FAM120B: variants seen among roughly 807,000 people sequenced by gnomAD.
The protein encoded by FAM120B is constitutive coactivator of peroxisome proliferator-activated receptor gamma.
In FAM120B, 83 loss-of-function variants were observed where a neutral mutation model predicts 96.3. The observed-to-expected ratio is 0.86, with a 90% confidence interval of 0.72 to 1.03. The LOEUF is 1.03. Among genes scored for constraint, FAM120B ranks in the 50% least tolerant of loss-of-function variants. The pLI is 0.00. For missense variants in FAM120B, 1,027 were observed against 1,121.2 expected, an observed-to-expected ratio of 0.92 and a Z score of 1.20; for synonymous variants, 407 against 402.7, an observed-to-expected ratio of 1.01 and a Z score of -0.13.
intron 8 of FAM120B, 34 bp downstream of exon 8, chr6:170,391,155 C>A: frequency 7.1e-7 from 1 of 1,406,224 alleles, no homozygotes; most frequent in Non-Finnish European, 1.0e-6. Flanking sequence ...AGAAGCCCCA[C>A]AAGCGTAGAC....
chr6:170,357,959 T>G (rs1284341147), intron 5 of FAM120B, among the ~76,000 whole-genome samples: 1 of 152,224 alleles, frequency 6.6e-6, no homozygotes, highest in Non-Finnish European at 1.5e-5. Flanking sequence ...TGCATGTGCC[T>G]GTTTGTGCAC....
At chr6:170,367,807 G>T (rs1161566824) in intron 6 of FAM120B, among the ~76,000 whole-genome samples, 6 of 152,138 alleles carry the variant, frequency 3.9e-5, no homozygotes, top group Non-Finnish European at 8.8e-5. Context: ...TCTTGGCATT[G>T]GTCCTTATAA....
intron 3 of FAM120B, 144 bp downstream of exon 3, chr6:170,323,403 A>T: frequency 1.5e-6 from 1 of 673,564 alleles, no homozygotes; most frequent in Non-Finnish European, 2.5e-6. Context: ...ATAATTGAGA[A>T]TACCACTGAC....
intron 6 of FAM120B, among the ~76,000 whole-genome samples, chr6:170,383,144 T>G (rs907834360): frequency 1.3e-5 from 2 of 151,394 alleles, no homozygotes; most frequent in African/African-American, 4.8e-5. Flanking sequence ...CTCACACTTT[T>G]GTAAAATTAA....
intron 5 of FAM120B, among the ~76,000 whole-genome samples, chr6:170,356,504 G>A (rs1335598390): frequency 1.3e-5 from 2 of 152,134 alleles, no homozygotes; most frequent in Non-Finnish European, 2.9e-5. Context: ...ACTGTTCAGT[G>A]CATGAAAATG....
Position 170,406,211 on chromosome 6 carries a change from G to C in FAM120B, c.*1460G>C, listed in dbSNP as rs993662899. ...TGGGCAGCCGTCTTCCAGAAACCTC[G>C]AACTTATGTCTGTCTCCACCTGAGA... On this transcript the variant is annotated 3_prime_UTR_variant, in exon 11 of 11. Coordinates refer to ENST00000476287, the MANE Select transcript of FAM120B (RefSeq NM_032448.3). 1.3e-5 allele frequency: 2 copies of C among 152,182 alleles called. No individual in the cohort carries two copies. Among genetic ancestry groups the C allele is most frequent in the Non-Finnish European group, 2.9e-5 (2 of 68,052 alleles). 9.4% of individuals were successfully genotyped at this position (152,182 alleles called of 1,614,324 possible).
At chr6:170,373,237 C>T (rs1401911092) in intron 6 of FAM120B, among the ~76,000 whole-genome samples, 9 of 152,182 alleles carry the variant, frequency 5.9e-5, no homozygotes, top group Non-Finnish European at 1.3e-4. Context: ...GTCTTTTATT[C>T]CAGAGCACCT....
intron 7 of FAM120B, among the ~76,000 whole-genome samples, chr6:170,389,579 A>G (rs6456206): frequency 0.88 from 133,057 of 151,794 alleles, 58,473 homozygotes; most frequent in East Asian, 0.94. Context: ...TTTTTTTTGA[A>G]ACAGGGTCTT....
intron 9 of FAM120B, among the ~76,000 whole-genome samples, chr6:170,400,353 G>T (rs192987661): frequency 1.3e-5 from 2 of 152,260 alleles, no homozygotes; most frequent in African/African-American, 2.4e-5. Context: ...GCCCCATCCT[G>T]CCCTGATCTC....
At chr6:170,341,760 G>A (rs1786849552) in intron 4 of FAM120B, among the ~76,000 whole-genome samples, 1 of 152,142 alleles carries the variant, frequency 6.6e-6, no homozygotes, top group South Asian at 2.1e-4. Context: ...TGCACTTCCT[G>A]GGTGAGGCAA....
chr6:170,292,909 G>A (rs576040884), upstream of FAM120B, among the ~76,000 whole-genome samples: 61 of 152,322 alleles, frequency 4.0e-4, no homozygotes, highest in African/African-American at 1.5e-3. This position sits in a 1 kb window ranked among gnomAD's most constrained non-coding sequence, Gnocchi z 6.6. Context: ...TGCCAGGTGA[G>A]AAAGGCAGGC....
intron 4 of FAM120B, among the ~76,000 whole-genome samples, chr6:170,337,699 C>T (rs1352185255): frequency 1.3e-5 from 2 of 152,084 alleles, no homozygotes; most frequent in Non-Finnish European, 2.9e-5. Flanking sequence ...ATTATTGTGT[C>T]AATTTCAGAA....
chr6:170,345,721 T>C (rs959841273), intron 4 of FAM120B, among the ~76,000 whole-genome samples: 21 of 152,222 alleles, frequency 1.4e-4, no homozygotes, highest in African/African-American at 4.6e-4. Context: ...GACAGATACC[T>C]GGAAATCTCT....
intron 3 of FAM120B, among the ~76,000 whole-genome samples, chr6:170,329,250 A>T (rs1785831532): frequency 6.6e-6 from 1 of 152,168 alleles, no homozygotes; most frequent in South Asian, 2.1e-4. Flanking sequence ...CTGTCTCCTC[A>T]TCTGAGGAAC....
At position 170,295,588 on chromosome 6, in the gene FAM120B, CG is replaced by C; in HGVS notation, c.48+140del. ...ACGGTGGGGGCACAAGAACAGCAGC[CG>C]GGGGCGAAGGAATCAGCCCCGCAGC... On this transcript the variant is annotated intron_variant, in intron 1 of 10. Coordinates refer to the FAM120B transcript ENST00000537664. This position sits in a 1 kb window ranked among gnomAD's most constrained non-coding sequence, Gnocchi z 7.8. The C allele has an allele frequency of 5.5e-6, 3 of 549,608 alleles. No homozygotes were observed. The highest frequency in any genetic ancestry group is 3.2e-6 in the Non-Finnish European group (1 of 315,282). The allele number at this position is 549,608 out of a possible 1,614,324, so 34.0% of individuals were successfully genotyped here.
chr6:170,314,291 C>T (rs1210257399), intron 1 of FAM120B, among the ~76,000 whole-genome samples: 1 of 152,186 alleles, frequency 6.6e-6, no homozygotes, highest in Non-Finnish European at 1.5e-5. Flanking sequence ...GCTTCTTTGG[C>T]CATAATTGAA....
At chr6:170,347,081 G>A (rs1219035701) in intron 4 of FAM120B, among the ~76,000 whole-genome samples, 2 of 152,122 alleles carry the variant, frequency 1.3e-5, no homozygotes, top group African/African-American at 2.4e-5. Context: ...TTCTGATGGC[G>A]GGAAATATAC....
At chr6:170,330,348 T>C in intron 3 of FAM120B, 101 bp from the exon 4 acceptor site, 1 of 767,036 alleles carries the variant, frequency 1.3e-6, no homozygotes, top group Admixed American at 2.5e-5. Context: ...ATTTGAGAGC[T>C]CACCTTTGAA....
At chr6:170,373,659 A>G (rs1023863583) in intron 6 of FAM120B, among the ~76,000 whole-genome samples, 3 of 152,246 alleles carry the variant, frequency 2.0e-5, no homozygotes. Flanking sequence ...ACCTCCTAAC[A>G]GAAATTTGCC....
Sources: gnomAD v4.1 joint callset for allele counts (sites outside exome capture counted in the v4.1 genomes callset) on GRCh38, gnomAD v4.1.1 for gene constraint, Gnocchi (gnomAD v3.1) non-coding constraint, MANE v1.5 for transcripts, NCBI Gene and HGNC (gene_info 2026-07-23, HGNC 2026-07-21) for gene names.